ELMOD2: variants seen among roughly 807,000 people sequenced by gnomAD.
ELMOD2 encodes ELMO domain-containing protein 2.
In ELMOD2, 28 loss-of-function variants were observed where a neutral mutation model predicts 41.0. The ratio of observed to expected loss-of-function variants is 0.68; its 90% confidence interval spans 0.51 to 0.94. The LOEUF is 0.94. ELMOD2 is among the 40% of genes least tolerant of loss of function. The pLI is 0.00. For missense variants in ELMOD2, 333 were observed against 343.1 expected, an observed-to-expected ratio of 0.97 and a Z score of 0.23; for synonymous variants, 106 against 107.2, an observed-to-expected ratio of 0.99 and a Z score of 0.07.
rs1005294148 is a variant in ELMOD2, at chr4:140,553,036, A to G, written c.*2661A>G. On this transcript the variant is annotated 3_prime_UTR_variant, in exon 9 of 9. Coordinates refer to ENST00000323570, the MANE Select transcript of ELMOD2 (RefSeq NM_153702.4). Reference sequence around the variant, plus strand: ...TCTTAAAAATGCCCATCTGATTTCTATTTTTAGGAGCTACTTGGATTTGTA... The same window carrying G: ...TCTTAAAAATGCCCATCTGATTTCTGTTTTTAGGAGCTACTTGGATTTGTA... 2.6e-5 allele frequency: 4 copies of G among 152,082 alleles called. No individual in the cohort carries two copies. Among genetic ancestry groups the G allele is most frequent in the African/African-American group, 9.7e-5 (4 of 41,424 alleles). The allele number at this position is 152,082 out of a possible 1,614,324, so 9.4% of individuals were successfully genotyped here.
At position 140,553,431 on chromosome 4, in the gene ELMOD2, A is replaced by G. The variant is rs1261774775; in HGVS notation, c.*3056A>G. On this transcript the variant is annotated 3_prime_UTR_variant, in exon 9 of 9. Coordinates refer to ENST00000323570, the MANE Select transcript of ELMOD2 (RefSeq NM_153702.4). ...ATTTATACACCTCTCTACAAAAGCA[A>G]TTTTTAATGAAGGTTAGTGGAATTG... is the stretch of plus-strand genomic sequence containing the variant. 6.6e-6 allele frequency: 1 copy of G among 152,124 alleles called. No individual in the cohort carries two copies. The highest frequency in any genetic ancestry group is 1.9e-4 in the East Asian group (1 of 5,196). 9.4% of individuals were successfully genotyped at this position (152,124 alleles called of 1,614,324 possible). A position where few individuals can be genotyped will look rare whatever the true frequency, so the allele number is the denominator to read the frequency against.
At chr4:140,544,126 T>C (rs546816929) in intron 8 of ELMOD2, among the ~76,000 whole-genome samples, 23 of 152,186 alleles carry the variant, frequency 1.5e-4, no homozygotes, top group Non-Finnish European at 2.9e-4. Flanking sequence ...TTTAATTGAA[T>C]GAGTCCATCT....
chr4:140,525,542 T>C lies in ELMOD2; in HGVS notation c.114T>C (p.Tyr38=), dbSNP rs142469105. 2,870 of 1,613,416 alleles carry C rather than the reference T, an allele frequency of 1.8e-3. 1 individual carries two copies. Among genetic ancestry groups the C allele is most frequent in the Non-Finnish European group, 2.3e-3 (2,656 of 1,179,782 alleles). Residue 38 remains tyrosine, a synonymous_variant, in exon 2 of 9, where the codon TAT becomes TAC. Transcript: ENST00000323570. ...AATTGCAGCGAATATTTGATACCTA[T>C]GTAGGTGCACAAAGGACACACAGGA... is the stretch of plus-strand genomic sequence containing the variant. The part of the protein sequence containing the change: ...KCELQRIFDT[Y]VGAQRTHRIE...
intron 8 of ELMOD2, among the ~76,000 whole-genome samples, chr4:140,548,602 T>A (rs1735366484): frequency 6.6e-6 from 1 of 152,174 alleles, no homozygotes; most frequent in Admixed American, 6.6e-5. Flanking sequence ...CCCTTTTGTG[T>A]AAAGTCATTG....
chr4:140,552,606 C>G lies in ELMOD2; in HGVS notation c.*2231C>G, dbSNP rs529111174. Reference sequence around the variant, plus strand: ...ATAATTGTGTCTACCTTCCTACTTTCCCTTTTGACATATGTAGTTGGAATT... The same window carrying G: ...ATAATTGTGTCTACCTTCCTACTTTGCCTTTTGACATATGTAGTTGGAATT... On this transcript the variant is annotated 3_prime_UTR_variant, in exon 9 of 9. Transcript: ENST00000323570. 6.6e-6 allele frequency: 1 copy of G among 152,128 alleles called. No individual in the cohort carries two copies. The highest frequency in any genetic ancestry group is 2.1e-4 in the South Asian group (1 of 4,824). 9.4% of individuals were successfully genotyped at this position (152,128 alleles called of 1,614,324 possible).
At chr4:140,524,523 C>A in intron 1 of ELMOD2, 1 of 890,674 alleles carries the variant, frequency 1.1e-6, no homozygotes, top group Non-Finnish European at 1.3e-6. Context: ...GGCAGTTCTG[C>A]GCTTTTGTCC....
At chr4:140,542,724 G>A in intron 7 of ELMOD2, 82 bp downstream of exon 7, 3 of 1,011,644 alleles carry the variant, frequency 3.0e-6, no homozygotes, top group South Asian at 3.7e-5. Context: ...GGTATATCAA[G>A]GTATTTCTTA....
At chr4:140,538,013 C>T (rs1358830392) in intron 5 of ELMOD2, among the ~76,000 whole-genome samples, 1 of 151,924 alleles carries the variant, frequency 6.6e-6, no homozygotes, top group Non-Finnish European at 1.5e-5. Context: ...TGTTAATTGC[C>T]AAGCAATGCC....
chr4:140,540,453 A>G, intron 6 of ELMOD2, 152 bp downstream of exon 6: 1 of 1,117,044 alleles, frequency 9.0e-7, no homozygotes, highest in East Asian at 2.6e-5. Context: ...TGTGTTGGCA[A>G]CAATATGAAG....
chr4:140,532,054 A>G (rs1032353041), intron 3 of ELMOD2, among the ~76,000 whole-genome samples: 6 of 152,158 alleles, frequency 3.9e-5, no homozygotes, highest in African/African-American at 1.4e-4. Flanking sequence ...AATATAATAT[A>G]TGAAAATTAC....
Position 140,525,536 on chromosome 4 carries a change from T to C in ELMOD2, c.108T>C (p.Asp36=). ...TGKCELQRIF[D]TYVGAQRTHR... is the part of the protein sequence containing the mutation. The stretch of plus-strand genomic sequence containing the variant: ...AGTGTGAATTGCAGCGAATATTTGA[T>C]ACCTATGTAGGTGCACAAAGGACAC... Residue 36 remains aspartate (D), a synonymous_variant, in exon 2 of 9, where the codon GAT becomes GAC. Transcript: ENST00000323570. 2 of 1,613,854 alleles carry C rather than the reference T, an allele frequency of 1.2e-6. No individual in the cohort carries two copies. The highest frequency in any genetic ancestry group is 1.7e-6 in the Non-Finnish European group (2 of 1,179,916).
chr4:140,540,375 A>G, intron 6 of ELMOD2, 74 bp downstream of exon 6: 1 of 1,554,582 alleles, frequency 6.4e-7, no homozygotes, highest in Non-Finnish European at 8.8e-7. Flanking sequence ...ACTTCTAATA[A>G]GAAGTGATCT....
chr4:140,549,347 G>A (rs2110887737), intron 8 of ELMOD2, among the ~76,000 whole-genome samples: 1 of 94,600 alleles, frequency 1.1e-5, no homozygotes, highest in East Asian at 3.4e-4. Context: ...TCACATTTAA[G>A]TTTACATATA....
At chr4:140,528,537 C>T (rs773658309) in intron 3 of ELMOD2, among the ~76,000 whole-genome samples, 9 of 151,984 alleles carry the variant, frequency 5.9e-5, no homozygotes, top group Non-Finnish European at 1.3e-4. Context: ...TTAAATATTT[C>T]TGTGTACATC....
intron 5 of ELMOD2, among the ~76,000 whole-genome samples, chr4:140,538,826 A>G (rs958971933): frequency 1.1e-4 from 17 of 152,324 alleles, no homozygotes; most frequent in African/African-American, 3.6e-4. Flanking sequence ...TGTACACTCC[A>G]AAGTTCCACC....
At chr4:140,546,729 TC>T (rs946978089) in intron 8 of ELMOD2, among the ~76,000 whole-genome samples, 1 of 152,084 alleles carries the variant, frequency 6.6e-6, no homozygotes, top group African/African-American at 2.4e-5. Context: ...GCAGTATTTT[TC>T]CCCTAAAGAC....
chr4:140,529,462 C>T (rs1435994499), intron 3 of ELMOD2, among the ~76,000 whole-genome samples: 3 of 152,164 alleles, frequency 2.0e-5, no homozygotes, highest in Non-Finnish European at 4.4e-5. Flanking sequence ...CAGCTTCCAA[C>T]CAATTTTTTC....
chr4:140,539,704 T>A (rs1735047540), intron 5 of ELMOD2, among the ~76,000 whole-genome samples: 2 of 152,320 alleles, frequency 1.3e-5, no homozygotes, highest in South Asian at 4.1e-4. Flanking sequence ...AAATCATATT[T>A]TTTTAAACTG....
At chr4:140,535,637 T>A (rs1366541743) in intron 3 of ELMOD2, 96 bp from the exon 4 acceptor site, 2 of 1,162,984 alleles carry the variant, frequency 1.7e-6, no homozygotes, top group African/African-American at 3.2e-5. Flanking sequence ...TTTGCATTTT[T>A]AATATCTACT....
Sources: gnomAD v4.1 joint callset for allele counts (sites outside exome capture counted in the v4.1 genomes callset) on GRCh38, gnomAD v4.1.1 for gene constraint, MANE v1.5 for transcripts, NCBI Gene and HGNC (gene_info 2026-07-23, HGNC 2026-07-21) for gene names.